The following PARD3 variants were observed in gnomAD, a reference collection of about 807,000 sequenced individuals.
PARD3 encodes partitioning defective 3 homolog.
PARD3 carries 75 observed loss-of-function variants against 155.4 expected under a neutral mutation model. That is an observed-to-expected ratio of 0.48 (90% CI 0.40 to 0.58). The LOEUF is 0.58. Among genes scored for constraint, PARD3 ranks in the 20% least tolerant of loss-of-function variants. The probability of loss-of-function intolerance (pLI) is 0.00; values close to 1 mark genes in which losing one functional copy is unlikely to be tolerated. For synonymous variants in PARD3, 576 were observed against 610.5 expected, an observed-to-expected ratio of 0.94 and a Z score of 0.83; for missense variants, 1,642 against 1,721.7, an observed-to-expected ratio of 0.95 and a Z score of 0.82.
intron 2 of PARD3, among the ~76,000 whole-genome samples, chr10:34,536,432 T>C (rs2083237778): frequency 2.0e-5 from 3 of 152,180 alleles, no homozygotes; most frequent in Non-Finnish European, 2.9e-5. Flanking sequence ...TACCAACATG[T>C]TTCAAAGACT....
intron 2 of PARD3, among the ~76,000 whole-genome samples, chr10:34,634,193 C>G (rs954751938): frequency 2.6e-5 from 4 of 152,104 alleles, no homozygotes; most frequent in African/African-American, 9.7e-5. Context: ...TTTGGAAACC[C>G]AGAAAAAATA....
intron 20 of PARD3, among the ~76,000 whole-genome samples, chr10:34,309,977 T>C (rs562098234): frequency 2.6e-5 from 4 of 151,432 alleles, no homozygotes; most frequent in Non-Finnish European, 5.9e-5. Context: ...TTTAATCTGA[T>C]TTTAGTCTTT....
chr10:34,200,916 T>G (rs1016570520), intron 22 of PARD3, among the ~76,000 whole-genome samples: 1 of 152,238 alleles, frequency 6.6e-6, no homozygotes, highest in African/African-American at 2.4e-5. Context: ...GGGAAGACAC[T>G]GAACAAACTC....
At chr10:34,136,184 A>G (rs1172762797) in intron 22 of PARD3, among the ~76,000 whole-genome samples, 1 of 152,210 alleles carries the variant, frequency 6.6e-6, no homozygotes, top group African/African-American at 2.4e-5. Flanking sequence ...GTGGTGCTCT[A>G]GTAACAGTCC....
chr10:34,240,678 C>T (rs899689003), intron 22 of PARD3, among the ~76,000 whole-genome samples: 9 of 152,036 alleles, frequency 5.9e-5, no homozygotes, highest in Non-Finnish European at 8.8e-5. Flanking sequence ...AAAGAGAGGG[C>T]TTGTTTTGCT....
At chr10:34,619,242 G>T (rs1429631192) in intron 2 of PARD3, among the ~76,000 whole-genome samples, 1 of 151,886 alleles carries the variant, frequency 6.6e-6, no homozygotes, top group Non-Finnish European at 1.5e-5. Flanking sequence ...GTAGAGACGG[G>T]GTTTCACGTG....
chr10:34,344,049 AC>A, intron 15 of PARD3: 2 of 949,160 alleles, frequency 2.1e-6, no homozygotes, highest in Non-Finnish European at 2.5e-6. Context: ...TCTTAAACTC[AC>A]CACATATATA....
intron 2 of PARD3, among the ~76,000 whole-genome samples, chr10:34,617,183 A>G (rs2091314222): frequency 1.3e-5 from 2 of 152,050 alleles, no homozygotes; most frequent in East Asian, 3.9e-4. Context: ...TGAACACGGG[A>G]GGTGGAGGCT....
In PARD3 at chr10:34,461,672, G is replaced by A. The variant is rs115489880; in HGVS notation, c.582+8413C>T. Among the ~76,000 whole-genome samples, 1,377 of 152,200 alleles carry A rather than the reference G, an allele frequency of 9.0e-3. 13 individuals are homozygous for A. The highest frequency in any genetic ancestry group is 0.032 in the African/African-American group (1,311 of 41,542). On this transcript the variant is annotated intron_variant, in intron 4 of 24. Transcript: ENST00000374788. The stretch of plus-strand genomic sequence containing the variant: ...AATGAGATTAAAATATTTTTTCAAT[G>A]TATATAGACTACGCAAAATTTTGTT...
chr10:34,238,319 A>T (rs187463297), intron 22 of PARD3, among the ~76,000 whole-genome samples: 1 of 152,316 alleles, frequency 6.6e-6, no homozygotes, highest in African/African-American at 2.4e-5. Context: ...TCTTCCTCAA[A>T]ACCCAGGGTG....
intron 7 of PARD3, 32 bp downstream of exon 7, chr10:34,399,298 T>C: frequency 7.8e-7 from 1 of 1,286,148 alleles, no homozygotes; most frequent in Non-Finnish European, 1.1e-6. Flanking sequence ...CTCTACATTA[T>C]GATTCAATTA....
intron 2 of PARD3, among the ~76,000 whole-genome samples, chr10:34,600,448 A>G (rs948162916): frequency 2.6e-5 from 4 of 152,182 alleles, no homozygotes; most frequent in African/African-American, 9.7e-5. Context: ...AATGTCTGAA[A>G]TGAAAAAAAA....
At chr10:34,715,526 C>A (rs1481460035) in intron 1 of PARD3, among the ~76,000 whole-genome samples, 3 of 152,134 alleles carry the variant, frequency 2.0e-5, no homozygotes, top group Non-Finnish European at 4.4e-5. Context: ...CCATCCCTAC[C>A]CCTTCCCTTG....
intron 5 of PARD3, among the ~76,000 whole-genome samples, chr10:34,419,649 G>A (rs1251665379): frequency 6.6e-6 from 1 of 152,188 alleles, no homozygotes; most frequent in Admixed American, 6.6e-5. Context: ...TTACTAGGCA[G>A]TATTTCGCCA....
chr10:34,169,956 G>A (rs1949711484), intron 22 of PARD3, among the ~76,000 whole-genome samples: 1 of 152,130 alleles, frequency 6.6e-6, no homozygotes, highest in South Asian at 2.1e-4. Flanking sequence ...GAGAAGCAAG[G>A]CTCAGCTTCT....
intron 2 of PARD3, among the ~76,000 whole-genome samples, chr10:34,621,689 G>A (rs986141540): frequency 6.6e-6 from 1 of 152,098 alleles, no homozygotes; most frequent in Non-Finnish European, 1.5e-5. Context: ...CTTTCTAAAG[G>A]AGCATGGATA....
In PARD3 at chr10:34,119,725, C is replaced by T. The variant is rs1946880645; in HGVS notation, c.3556G>A (p.Ala1186Thr). Reference sequence around the variant, plus strand: ...ACCGAGTGTCGCCCGCTCTGCGTCGCCGGCCGTGCGTTCGGCTGGAAGAGG... The same window carrying T: ...ACCGAGTGTCGCCCGCTCTGCGTCGTCGGCCGTGCGTTCGGCTGGAAGAGG... ...FEQPWPNARP[A>T]TQSGRHSVSV... Residue 1186 changes from alanine to threonine, a missense_variant, in exon 24 of 25, where the codon GCG becomes ACG. Ala to Thr is a moderately conservative substitution (Grantham distance 58). This residue lies in a region of PARD3 where 1,529 missense variants were observed against 1,587.3 expected (regional missense o/e 0.96). Coordinates refer to ENST00000374788, the MANE Select transcript of PARD3 (RefSeq NM_001184785.2). 1 of 1,611,594 alleles carries T rather than the reference C, an allele frequency of 6.2e-7. No individual in the cohort carries two copies. The highest frequency in any genetic ancestry group is 8.5e-7 in the Non-Finnish European group (1 of 1,178,374).
intron 2 of PARD3, among the ~76,000 whole-genome samples, chr10:34,573,560 A>C (rs77963652): frequency 6.6e-6 from 1 of 152,056 alleles, no homozygotes; most frequent in Non-Finnish European, 1.5e-5. Context: ...AAATAAAATT[A>C]ACCAGGCCTG....
At chr10:34,421,297 AATT>A (rs1218252962) in intron 5 of PARD3, among the ~76,000 whole-genome samples, 17 of 150,920 alleles carry the variant, frequency 1.1e-4, no homozygotes, top group African/African-American at 3.2e-4. Flanking sequence ...ACTTATTAAT[AATT>A]ATTATAACTA....
Sources: allele counts gnomAD v4.1 joint callset (sites outside exome capture counted in the v4.1 genomes callset), GRCh38; gene constraint gnomAD v4.1.1; regional missense constraint gnomAD v4.1.1; transcripts MANE v1.5; gene names NCBI Gene and HGNC (gene_info 2026-07-23, HGNC 2026-07-21).